Variants in SRFBP1 observed in about 807,000 individuals in gnomAD.
SRFBP1 encodes the protein serum response factor-binding protein 1.
In SRFBP1, 47 loss-of-function variants were observed where a neutral mutation model predicts 45.5. The observed-to-expected ratio is 1.03, with a 90% CI of 0.82 to 1.32. SRFBP1 has a LOEUF of 1.32. Ranked by LOEUF, SRFBP1 falls within the 40% of genes most tolerant of loss-of-function variation. The probability of loss-of-function intolerance (pLI) is 0.00; values close to 1 mark genes in which losing one functional copy is unlikely to be tolerated. For missense variants in SRFBP1, 621 were observed against 484.6 expected (o/e 1.28, Z -2.64); for synonymous variants, 203 against 166.3 (o/e 1.22, Z -1.70).
At chr5:122,025,585 A>G (rs1040027839) in intron 7 of SRFBP1, among the ~76,000 whole-genome samples, 3 of 152,150 alleles carry the variant, frequency 2.0e-5, no homozygotes, top group African/African-American at 7.2e-5. Flanking sequence ...CCAACAGTGT[A>G]AAAGTGTTCC....
intron 4 of SRFBP1, 71 bp from the exon 5 acceptor site, chr5:122,019,189 T>C: frequency 1.6e-6 from 2 of 1,281,692 alleles, no homozygotes; most frequent in Admixed American, 1.9e-5. Flanking sequence ...TGATAGATTT[T>C]ATTTTATTCA....
intron 6 of SRFBP1, among the ~76,000 whole-genome samples, chr5:122,021,497 T>C (rs1034432515): frequency 3.3e-5 from 5 of 152,072 alleles, no homozygotes; most frequent in African/African-American, 9.7e-5. Context: ...TAGAAAAATG[T>C]GATGTAAAAA....
At chr5:122,062,866 G>T (rs1007369869) in intron 2 of SRFBP1, among the ~76,000 whole-genome samples, 2 of 151,778 alleles carry the variant, frequency 1.3e-5, no homozygotes, top group Non-Finnish European at 2.9e-5. Context: ...AGAATTAGAT[G>T]TGTGTGTGTG....
At chr5:122,019,433 TTATAAA>T in intron 5 of SRFBP1, 92 bp downstream of exon 5, 1 of 993,832 alleles carries the variant, frequency 1.0e-6, no homozygotes, top group Non-Finnish European at 1.5e-6. Flanking sequence ...TGAGGTTCTA[TTATAAA>T]TATAAGTTTC....
intron 2 of SRFBP1, among the ~76,000 whole-genome samples, chr5:122,047,001 G>C (rs1420832423): frequency 1.3e-5 from 2 of 152,146 alleles, no homozygotes; most frequent in Non-Finnish European, 1.5e-5. Context: ...TAGGTTGCCT[G>C]TTCACTCTGA....
chr5:122,044,520 T>C (rs527869559), intron 2 of SRFBP1, among the ~76,000 whole-genome samples: 10 of 152,216 alleles, frequency 6.6e-5, no homozygotes, highest in African/African-American at 2.4e-4. Context: ...CTATTATTTT[T>C]TTTTTTTACT....
intron 2 of SRFBP1, among the ~76,000 whole-genome samples, chr5:122,045,559 G>A (rs1580542462): frequency 6.6e-6 from 1 of 152,098 alleles, no homozygotes; most frequent in Non-Finnish European, 1.5e-5. Context: ...TCTCATTGTA[G>A]AGATCTTTCA....
intron 2 of SRFBP1, among the ~76,000 whole-genome samples, chr5:122,037,758 T>C (rs1302826117): frequency 6.6e-6 from 1 of 152,126 alleles, no homozygotes; most frequent in South Asian, 2.1e-4. Context: ...CTTCAAGTGT[T>C]CCTTCCACCT....
chr5:122,070,022 A>G, intron 2 of SRFBP1: 1 of 1,454,834 alleles, frequency 6.9e-7, no homozygotes, highest in South Asian at 1.1e-5. Context: ...ATTTGTGACA[A>G]CAATTACTTA....
chr5:121,981,771 C>T (rs542134327), intron 3 of SRFBP1, among the ~76,000 whole-genome samples: 2 of 152,018 alleles, frequency 1.3e-5, no homozygotes, highest in African/African-American at 4.8e-5. Context: ...CTACTTTATG[C>T]AGGCCCTTTT....
intron 1 of SRFBP1, among the ~76,000 whole-genome samples, chr5:121,967,167 G>A (rs958399656): frequency 2.2e-4 from 33 of 152,140 alleles, no homozygotes; most frequent in African/African-American, 7.7e-4. Context: ...AGACAGTAAA[G>A]GTAGAAACTA....
chr5:122,076,898 C>G, downstream of SRFBP1: 1 of 1,614,010 alleles, frequency 6.2e-7, no homozygotes, highest in Non-Finnish European at 8.5e-7. Flanking sequence ...CGTACCTGGC[C>G]AGACAGTTTT....
At chr5:121,971,135 G>A (rs955832694) in intron 1 of SRFBP1, among the ~76,000 whole-genome samples, 2 of 151,970 alleles carry the variant, frequency 1.3e-5, no homozygotes, top group Admixed American at 1.3e-4. Context: ...ATTGGACACC[G>A]TTAAAGAGAG....
downstream of SRFBP1, among the ~76,000 whole-genome samples, chr5:122,031,953 G>A (rs1240652588): frequency 6.6e-6 from 1 of 152,180 alleles, no homozygotes; most frequent in Non-Finnish European, 1.5e-5. Context: ...ATACATCAGT[G>A]ATTGCTAGGA....
intron 3 of SRFBP1, among the ~76,000 whole-genome samples, chr5:121,976,479 A>T (rs2112820465): frequency 6.6e-6 from 1 of 151,982 alleles, no homozygotes; most frequent in African/African-American, 2.4e-5. Flanking sequence ...ATACCTTTTT[A>T]AAATGATATT....
At chr5:122,066,625 CT>C (rs1754306421) in intron 2 of SRFBP1, 1 of 824,390 alleles carries the variant, frequency 1.2e-6, no homozygotes, top group Admixed American at 2.3e-5. Context: ...AACAAAAATT[CT>C]TTTGTTGTTT....
chr5:121,981,738 C>G (rs1752411378), intron 3 of SRFBP1, among the ~76,000 whole-genome samples: 1 of 151,922 alleles, frequency 6.6e-6, no homozygotes, highest in Admixed American at 6.6e-5. Flanking sequence ...CACTTCTGCT[C>G]TAATCCCAGA....
intron 1 of SRFBP1, 77 bp downstream of exon 1, chr5:121,962,145 G>T: frequency 1.3e-6 from 2 of 1,569,826 alleles, no homozygotes; most frequent in Middle Eastern, 3.4e-4. Flanking sequence ...GGTCGGAGGC[G>T]GGCATAGAGG....
chr5:121,962,010 C>T lies in SRFBP1; in HGVS notation c.-23C>T, dbSNP rs200212940. On this transcript the variant is annotated 5_prime_UTR_variant, in exon 1 of 8. Transcript: ENST00000339397. ...AGACCGGTTCACGTGCAGGCAGCGG[C>T]GGATCATATTCCTTCATCTACCATG... The T allele has an allele frequency of 3.1e-6, 5 of 1,613,312 alleles. No individual in the cohort carries two copies. The highest frequency in any genetic ancestry group is 1.7e-5 in the Admixed American group (1 of 59,974).
Sources: allele counts gnomAD v4.1 joint callset (sites outside exome capture counted in the v4.1 genomes callset), GRCh38; gene constraint gnomAD v4.1.1; transcripts MANE v1.5; gene names NCBI Gene and HGNC (gene_info 2026-07-23, HGNC 2026-07-21).